The following MON2 variants were observed in gnomAD, a reference collection of about 807,000 sequenced individuals.
The protein encoded by MON2 is protein MON2 homolog.
MON2 carries 84 observed loss-of-function variants against 208.6 expected under a neutral mutation model. That is an observed-to-expected ratio of 0.40 (90% CI 0.34 to 0.48). The LOEUF (loss-of-function observed/expected upper bound fraction) is 0.48, where lower values mean the gene tolerates loss of function less well. Among genes scored for constraint, MON2 ranks in the 20% least tolerant of loss-of-function variants. MON2 has a pLI of 0.59. For synonymous variants in MON2, 660 were observed against 694.0 expected, an observed-to-expected ratio of 0.95 and a Z score of 0.77; for missense variants, 1,611 against 2,015.4, an observed-to-expected ratio of 0.80 and a Z score of 3.84.
intron 14 of MON2, among the ~76,000 whole-genome samples, chr12:62,536,452 C>T (rs937408583): frequency 1.3e-5 from 2 of 152,156 alleles, no homozygotes; most frequent in African/African-American, 2.4e-5. Flanking sequence ...AGTCCGGCCT[C>T]AGCCTCCCAA....
At chr12:62,477,781 A>G (rs913036638) in intron 1 of MON2, among the ~76,000 whole-genome samples, 3 of 152,140 alleles carry the variant, frequency 2.0e-5, no homozygotes, top group Non-Finnish European at 4.4e-5. Flanking sequence ...CGCAAGTTAC[A>G]TAATGCTAGT....
In MON2 at chr12:62,598,743, G is replaced by A. The variant is rs557594824; in HGVS notation, c.*5994G>A. 6.6e-6 allele frequency: 1 copy of A among 152,244 alleles called. No homozygotes were observed. The highest frequency in any genetic ancestry group is 2.1e-4 in the South Asian group (1 of 4,828). 9.4% of individuals were successfully genotyped at this position (152,244 alleles called of 1,614,324 possible). A position where few individuals can be genotyped will look rare whatever the true frequency, so the allele number is the denominator to read the frequency against. ...TATGTTGTTGAGATGTATCAGTTAT[G>A]TATTATAATCATGAAATTGTATTGG... is the stretch of plus-strand genomic sequence containing the variant. On this transcript the variant is annotated 3_prime_UTR_variant, in exon 35 of 35. Coordinates refer to ENST00000393630, the MANE Select transcript of MON2 (RefSeq NM_015026.3).
At chr12:62,526,864 T>C (rs1050564047) in intron 11 of MON2, among the ~76,000 whole-genome samples, 2 of 152,148 alleles carry the variant, frequency 1.3e-5, no homozygotes, top group South Asian at 2.1e-4. Context: ...CAGTGACTCA[T>C]GCCTGTAATC....
rs184547804 is a variant in MON2 at position 62,566,971 on chromosome 12, T to C, written c.4323+521T>C. ...GGACAATATTCCTCAAGGTTCAAGA[T>C]TGATGAGCATTCAGAGAGAAATTCA... On this transcript the variant is annotated intron_variant, in intron 29 of 34. Coordinates refer to ENST00000393630, the MANE Select transcript of MON2 (RefSeq NM_015026.3). Among the ~76,000 whole-genome samples, 358 of 152,336 alleles carry C rather than the reference T, an allele frequency of 2.4e-3. 3 individuals carry two copies. Among genetic ancestry groups the C allele is most frequent in the African/African-American group, 8.2e-3 (340 of 41,570 alleles).
rs373162493 is a variant in MON2, at chr12:62,571,476, C to G, written c.4408C>G (p.Leu1470Val). ...KLAVSSLLRV[L>V]SIGLPVARQH... ...AGCAGTATCCTCTCTCCTCAGAGTT[C>G]TTTCTATTGGGCTACCTGTTGCCCG... The change falls in exon 30 of 35, where the codon CTT (leucine) becomes GTT (valine). Residue 1470 changes from leucine (L) to valine (V), a missense_variant. By Grantham distance (32) the Leu-to-Val change is conservative. Coordinates refer to ENST00000393630, the MANE Select transcript of MON2 (RefSeq NM_015026.3). 90 of 1,613,758 alleles carry G rather than the reference C, an allele frequency of 5.6e-5. No homozygotes were observed. The highest frequency in any genetic ancestry group is 7.3e-5 in the Non-Finnish European group (86 of 1,179,786).
At position 62,556,275 on chromosome 12, in the gene MON2, A is replaced by G. The variant is rs868694085; in HGVS notation, c.3409+83A>G. On this transcript the variant is annotated intron_variant, in intron 25 of 34. Coordinates refer to ENST00000393630, the MANE Select transcript of MON2 (RefSeq NM_015026.3). ...AATACAGACGATTCTTTTAGAGTCT[A>G]TCTTAACTTAGTCTTTATGTGTGGT... 2.0e-5 allele frequency: 26 copies of G among 1,278,524 alleles called. No homozygotes were observed. In the Middle Eastern group the frequency reaches 1.1e-3, roughly 54 times the overall value. 79.2% of individuals were successfully genotyped at this position (1,278,524 alleles called of 1,614,324 possible).
At chr12:62,520,038 A>G (rs575060535) in intron 8 of MON2, among the ~76,000 whole-genome samples, 127 of 152,304 alleles carry the variant, frequency 8.3e-4, no homozygotes, top group Non-Finnish European at 1.5e-3. Context: ...GATGGTCTCG[A>G]TCTCCTGACC....
intron 8 of MON2, among the ~76,000 whole-genome samples, chr12:62,516,645 G>A (rs1013518961): frequency 2.0e-5 from 3 of 152,040 alleles, no homozygotes; most frequent in African/African-American, 7.2e-5. Context: ...CGGAGGTTGC[G>A]GCGAGCCAAG....
rs2073953837 is a variant in MON2, at chr12:62,555,988, A to G, written c.3211-6A>G. 1.9e-6 allele frequency: 3 copies of G among 1,587,106 alleles called. No individual in the cohort carries two copies. Among genetic ancestry groups the G allele is most frequent in the Non-Finnish European group, 2.6e-6 (3 of 1,158,578 alleles). On this transcript the variant is annotated splice_polypyrimidine_tract_variant and splice_region_variant and intron_variant, in intron 24 of 34. Transcript: ENST00000393630. Reference sequence around the variant, plus strand: ...CATTTTAAATGACATTTTAATAAATATTTAGGTACTCTTTCATCTACTGGA... The same window carrying G: ...CATTTTAAATGACATTTTAATAAATGTTTAGGTACTCTTTCATCTACTGGA...
chr12:62,499,314 C>G (rs1454775740), intron 5 of MON2, among the ~76,000 whole-genome samples: 2 of 152,076 alleles, frequency 1.3e-5, no homozygotes. Context: ...CCAAACATTA[C>G]ATTCTATGAA....
intron 34 of MON2, 60 bp downstream of exon 34, chr12:62,588,216 CT>C (rs746565133): frequency 2.1e-5 from 25 of 1,171,542 alleles, no homozygotes; most frequent in Non-Finnish European, 2.9e-5. Flanking sequence ...TTGTGATGGA[CT>C]TTTGTCTGTT....
At chr12:62,564,299 T>A (rs1382853980) in intron 26 of MON2, among the ~76,000 whole-genome samples, 2 of 152,106 alleles carry the variant, frequency 1.3e-5, no homozygotes, top group Non-Finnish European at 2.9e-5. Flanking sequence ...AGAAACTTTT[T>A]AAAAAAGTTA....
intron 1 of MON2, among the ~76,000 whole-genome samples, chr12:62,480,029 A>G (rs1038912124): frequency 1.3e-5 from 2 of 152,204 alleles, no homozygotes; most frequent in African/African-American, 4.8e-5. Context: ...TAAGTGATAT[A>G]CAAGTGTGTC....
At chr12:62,538,909 G>T (rs1444400829) in intron 19 of MON2, among the ~76,000 whole-genome samples, 2 of 152,066 alleles carry the variant, frequency 1.3e-5, no homozygotes, top group African/African-American at 4.8e-5. Flanking sequence ...TGGAAAGTAA[G>T]GAGCTAATCA....
At position 62,585,917 on chromosome 12, in the gene MON2, G is replaced by T. The variant is rs1047137497; in HGVS notation, c.4907+416G>T. On this transcript the variant is annotated intron_variant, in intron 33 of 34. Coordinates refer to ENST00000393630, the MANE Select transcript of MON2 (RefSeq NM_015026.3). ...ATCCTAGTTTGTTTTACAGTCATTTGCAGGTTTCTCTCTGTGTCAGCTAGC... is the reference window on the plus strand; with the variant it reads ...ATCCTAGTTTGTTTTACAGTCATTTTCAGGTTTCTCTCTGTGTCAGCTAGC... Among the ~76,000 whole-genome samples, 9 of 152,218 alleles carry T rather than the reference G, an allele frequency of 5.9e-5. No individual in the cohort carries two copies. In the South Asian group the frequency reaches 1.0e-3, roughly 18 times the overall value.
chr12:62,524,371 T>C (rs2072225298), intron 8 of MON2, 144 bp from the exon 9 acceptor site: 3 of 607,160 alleles, frequency 4.9e-6, no homozygotes, highest in African/African-American at 1.8e-5. Flanking sequence ...CCTTTCTCTG[T>C]TTCTCCACTC....
intron 2 of MON2, among the ~76,000 whole-genome samples, chr12:62,491,368 T>G (rs1380880934): frequency 6.6e-6 from 1 of 152,158 alleles, no homozygotes; most frequent in South Asian, 2.1e-4. Context: ...TTAGAAAGCA[T>G]TGTGTCGTAG....
In MON2 at chr12:62,495,001, ATAAC is replaced by A. The variant is rs777593964; in HGVS notation, c.304-12_304-9del. 1.5e-5 allele frequency: 24 copies of A among 1,586,998 alleles called. No homozygotes were observed. The highest frequency in any genetic ancestry group is 1.8e-5 in the Non-Finnish European group (21 of 1,162,752). ...ATTGTATTTGTTGACAATAATTAAA[ATAAC>A]TATTTTACAGACTGCAGCTGGAAAT... On this transcript the variant is annotated splice_polypyrimidine_tract_variant and intron_variant, in intron 3 of 34. Transcript: ENST00000393630.
intron 19 of MON2, among the ~76,000 whole-genome samples, chr12:62,541,581 G>T (rs2073245698): frequency 1.3e-5 from 2 of 152,106 alleles, no homozygotes; most frequent in African/African-American, 4.8e-5. Context: ...TTTTACAGAT[G>T]AAAATATGAA....
Sources: allele counts gnomAD v4.1 joint callset (sites outside exome capture counted in the v4.1 genomes callset), GRCh38; gene constraint gnomAD v4.1.1; transcripts MANE v1.5; gene names NCBI Gene and HGNC (gene_info 2026-07-23, HGNC 2026-07-21).